Variants in PTPRM observed in about 807,000 individuals in gnomAD.
The protein encoded by PTPRM is protein tyrosine phosphatase receptor type M.
PTPRM carries 47 observed loss-of-function variants against 186.7 expected under a neutral mutation model. That is an observed-to-expected ratio of 0.25 (90% CI 0.20 to 0.32). The LOEUF (loss-of-function observed/expected upper bound fraction) is 0.32. Among genes scored for constraint, PTPRM ranks in the 10% least tolerant of loss-of-function variants. The pLI, the probability that PTPRM is intolerant of heterozygous loss-of-function variation, is 1.00. For synonymous variants in PTPRM, 668 were observed against 674.9 expected (o/e 0.99, Z 0.16); for missense variants, 1,494 against 1,865.0 (o/e 0.80, Z 3.66).
In PTPRM at chr18:8,023,870, A is replaced by ACGCGCG. The variant is rs35084039; in HGVS notation, c.1133-45813_1133-45812insGCGCGC. 2.0e-4 allele frequency among the ~76,000 whole-genome samples: 30 copies of ACGCGCG among 149,382 alleles called. 1 individual carries two copies. The highest frequency in any genetic ancestry group is 6.2e-4 in the African/African-American group (25 of 40,340). ...CACACACACACACACACACACACAC[A>ACGCGCG]CGCACACCCCTCCTATGAATGAACC... On this transcript the variant is annotated intron_variant, in intron 7 of 32. Coordinates refer to ENST00000580170, the MANE Select transcript of PTPRM (RefSeq NM_001105244.2).
intron 1 of PTPRM, among the ~76,000 whole-genome samples, chr18:7,708,560 G>T (rs2040145619): frequency 6.6e-6 from 1 of 152,232 alleles, no homozygotes; most frequent in Non-Finnish European, 1.5e-5. Flanking sequence ...AGAGCATAAT[G>T]AGTGTTGAAA....
chr18:7,906,709 T>G (rs2050004266), intron 4 of PTPRM, 126 bp downstream of exon 4: 1 of 734,062 alleles, frequency 1.4e-6, no homozygotes, highest in Non-Finnish European at 2.3e-6. Context: ...GACAGGCCTG[T>G]ATTGTTGGTT....
intron 32 of PTPRM, chr18:8,403,203 C>A (rs1004572449): frequency 1.3e-5 from 2 of 152,168 alleles, no homozygotes; most frequent in African/African-American, 4.8e-5. Context: ...ATGTCAGAGT[C>A]CACCCAGTTG....
At chr18:7,620,876 C>T (rs886125047) in intron 1 of PTPRM, among the ~76,000 whole-genome samples, 2 of 152,100 alleles carry the variant, frequency 1.3e-5, no homozygotes, top group African/African-American at 4.8e-5. Context: ...TAGATCATAA[C>T]AGTAATACAG....
intron 19 of PTPRM, among the ~76,000 whole-genome samples, chr18:8,271,526 A>C (rs2094771110): frequency 6.6e-6 from 1 of 152,022 alleles, no homozygotes; most frequent in Non-Finnish European, 1.5e-5. Context: ...TCTGCTTTTT[A>C]AAATGAGTGG....
intron 14 of PTPRM, among the ~76,000 whole-genome samples, chr18:8,212,687 G>T (rs916598162): frequency 2.6e-5 from 4 of 152,062 alleles, no homozygotes; most frequent in African/African-American, 9.7e-5. Flanking sequence ...CATGCCTGTA[G>T]TCCCAGCTAC....
At chr18:7,721,373 C>T (rs935759024) in intron 1 of PTPRM, among the ~76,000 whole-genome samples, 2 of 151,872 alleles carry the variant, frequency 1.3e-5, no homozygotes, top group South Asian at 4.2e-4. Context: ...TATATTAACT[C>T]TTTATTAGAT....
chr18:8,280,420 G>C (rs61326820), intron 19 of PTPRM, among the ~76,000 whole-genome samples: 1 of 121,878 alleles, frequency 8.2e-6, no homozygotes, highest in Non-Finnish European at 1.7e-5. Flanking sequence ...TGGGGGGGGG[G>C]TCACAATTCA....
At chr18:8,376,790 C>A in intron 26 of PTPRM, 193 bp downstream of exon 26, 1 of 651,422 alleles carries the variant, frequency 1.5e-6, no homozygotes. Flanking sequence ...ACCAAACAAA[C>A]CCAGGAGTTT....
chr18:8,307,233 A>G (rs2095231304), intron 20 of PTPRM, among the ~76,000 whole-genome samples: 1 of 152,164 alleles, frequency 6.6e-6, no homozygotes, highest in Admixed American at 6.5e-5. Context: ...TATTTCTTGT[A>G]TTCTGGAAGA....
At chr18:7,701,513 T>C (rs1568038444) in intron 1 of PTPRM, among the ~76,000 whole-genome samples, 1 of 151,820 alleles carries the variant, frequency 6.6e-6, no homozygotes, top group Non-Finnish European at 1.5e-5. Flanking sequence ...GGCAGGAGAA[T>C]TGCTTGAACC....
rs1056451575 is a variant in PTPRM, at chr18:8,113,399, C to T, written c.1857-87C>T. ...TGCGTCCAGTGTGTTCTTTATTTTG[C>T]GTGTCCTGTGGGTCCATGCAGTTGA... On this transcript the variant is annotated intron_variant, in intron 11 of 32. Transcript: ENST00000580170. 7 of 1,221,142 alleles carry T rather than the reference C, an allele frequency of 5.7e-6. No individual in the cohort carries two copies. In the Admixed American group the frequency reaches 7.8e-5, roughly 14 times the overall value. 75.6% of individuals were successfully genotyped at this position (1,221,142 alleles called of 1,614,324 possible).
chr18:7,702,196 G>T (rs533959678), intron 1 of PTPRM, among the ~76,000 whole-genome samples: 1 of 152,110 alleles, frequency 6.6e-6, no homozygotes, highest in East Asian at 1.9e-4. Flanking sequence ...AATTCTTTGG[G>T]TATATACTCA....
chr18:7,833,155 A>G (rs888393137), intron 2 of PTPRM, among the ~76,000 whole-genome samples: 2 of 152,080 alleles, frequency 1.3e-5, no homozygotes, highest in Admixed American at 1.3e-4. Flanking sequence ...GCTGTGAACA[A>G]TGTCATTGGT....
chr18:7,952,052 A>G (rs2052995007), intron 6 of PTPRM, among the ~76,000 whole-genome samples: 1 of 152,220 alleles, frequency 6.6e-6, no homozygotes, highest in Admixed American at 6.5e-5. Context: ...GGACATAAAA[A>G]TATTTCATAT....
chr18:8,244,854 C>T (rs1005895940), intron 15 of PTPRM, among the ~76,000 whole-genome samples: 3 of 152,062 alleles, frequency 2.0e-5, no homozygotes, highest in Non-Finnish European at 4.4e-5. Flanking sequence ...CTGGTAATCT[C>T]GGAGACCAGA....
chr18:8,113,169 A>T (rs965890856), intron 11 of PTPRM, among the ~76,000 whole-genome samples: 12 of 152,266 alleles, frequency 7.9e-5, no homozygotes, highest in Non-Finnish European at 1.5e-5. Flanking sequence ...CGTCAGTTAC[A>T]TGTGAGAAAA....
intron 19 of PTPRM, among the ~76,000 whole-genome samples, chr18:8,274,230 A>G (rs2094807303): frequency 6.6e-6 from 1 of 152,194 alleles, no homozygotes; most frequent in Non-Finnish European, 1.5e-5. Flanking sequence ...CACAGAGCTC[A>G]TTAATGTTGA....
chr18:8,215,948 C>G (rs978153863), intron 14 of PTPRM, among the ~76,000 whole-genome samples: 1 of 152,118 alleles, frequency 6.6e-6, no homozygotes, highest in African/African-American at 2.4e-5. Flanking sequence ...TTAACCCAGC[C>G]CCCTGTCTGT....
Sources: gnomAD v4.1 joint callset for allele counts (sites outside exome capture counted in the v4.1 genomes callset) on GRCh38, gnomAD v4.1.1 for gene constraint, MANE v1.5 for transcripts, NCBI Gene and HGNC (gene_info 2026-07-23, HGNC 2026-07-21) for gene names.